The following RAB1A variants were observed in gnomAD, a reference collection of about 807,000 sequenced individuals.
The protein encoded by RAB1A is RAB1A, member RAS oncogene family.
In RAB1A, 2 loss-of-function variants were observed where a neutral mutation model predicts 26.0. The observed-to-expected ratio is 0.08, with a 90% confidence interval of 0.03 to 0.24. The LOEUF is 0.24. Among genes scored for constraint, RAB1A ranks in the 10% least tolerant of loss-of-function variants. The pLI is 1.00. For missense variants in RAB1A, 100 were observed against 247.0 expected, an observed-to-expected ratio of 0.40 and a Z score of 3.99; for synonymous variants, 84 against 84.9, an observed-to-expected ratio of 0.99 and a Z score of 0.06.
At position 65,108,199 on chromosome 2, in the gene RAB1A, T is replaced by G. The variant is rs185370070; in HGVS notation, c.24-3393A>C. ...CAACACGATGAAACCCCGCCTCTACTAAAAATACAAAAATTAGCTGGGTGT... is the reference window on the plus strand; with the variant it reads ...CAACACGATGAAACCCCGCCTCTACGAAAAATACAAAAATTAGCTGGGTGT... On this transcript the variant is annotated intron_variant, in intron 1 of 5. Transcript: ENST00000409784. 7.9e-5 allele frequency among the ~76,000 whole-genome samples: 12 copies of G among 151,566 alleles called. No individual in the cohort carries two copies. The East Asian group carries it at 2.3e-3, about 30-fold the overall frequency.
chr2:65,108,526 G>A (rs1264365728), intron 1 of RAB1A, among the ~76,000 whole-genome samples: 2 of 151,856 alleles, frequency 1.3e-5, no homozygotes, highest in African/African-American at 4.8e-5. Flanking sequence ...CATTATGGCT[G>A]GGCACAGTGG....
chr2:65,118,031 G>T (rs1052404908), intron 1 of RAB1A, among the ~76,000 whole-genome samples: 5 of 152,128 alleles, frequency 3.3e-5, no homozygotes, highest in Non-Finnish European at 7.4e-5. Flanking sequence ...CTGTTTCCTT[G>T]TTTGTAAAAC....
chr2:65,094,115 ACACAC>A (rs992031866), intron 3 of RAB1A, among the ~76,000 whole-genome samples: 1 of 151,976 alleles, frequency 6.6e-6, no homozygotes, highest in African/African-American at 2.4e-5. Flanking sequence ...AACTACAGGG[ACACAC>A]CACCATGCCT....
rs569848678 is a variant in RAB1A, at chr2:65,116,888, T to C, written c.24-12082A>G. Among the ~76,000 whole-genome samples, 9 of 152,342 alleles carry C rather than the reference T, an allele frequency of 5.9e-5. No homozygotes were observed. In the South Asian group the frequency reaches 1.9e-3, roughly 32 times the overall value. On this transcript the variant is annotated intron_variant, in intron 1 of 5. Transcript: ENST00000409784. ...AAGAGAAGGCAGCCCTCTGCTTCAT[T>C]TGCTTTTCATAGAAAGACATCCATG...
intron 1 of RAB1A, among the ~76,000 whole-genome samples, chr2:65,113,196 A>T (rs1007896689): frequency 4.6e-5 from 7 of 152,200 alleles, no homozygotes; most frequent in African/African-American, 1.7e-4. Flanking sequence ...CCTTGTTTCA[A>T]ATTTCAGTTT....
chr2:65,115,292 A>C (rs1573084656), intron 1 of RAB1A, among the ~76,000 whole-genome samples: 1 of 152,252 alleles, frequency 6.6e-6, no homozygotes, highest in Non-Finnish European at 1.5e-5. Context: ...ATCCTGATAT[A>C]CTGGCCAATA....
chr2:65,113,266 T>C (rs780503634), intron 1 of RAB1A, among the ~76,000 whole-genome samples: 54 of 152,332 alleles, frequency 3.5e-4, no homozygotes, highest in South Asian at 1.0e-3. Flanking sequence ...TATATGTACA[T>C]TTATGATCTG....
chr2:65,094,988 G>C (rs1189278058), intron 3 of RAB1A, among the ~76,000 whole-genome samples: 2 of 152,092 alleles, frequency 1.3e-5, no homozygotes, highest in Non-Finnish European at 2.9e-5. Context: ...CAAGGCGGAG[G>C]AATAAGAAGA....
At position 65,088,380 on chromosome 2, in the gene RAB1A, C is replaced by A; in HGVS notation, c.*113G>T. On this transcript the variant is annotated 3_prime_UTR_variant, in exon 6 of 6. Transcript: ENST00000409784. ...TTACAATCTCTGACCTTTGTGGAGA[C>A]GGTAAGAATCTGTTGTAGTGCAGCT... 1 of 856,232 alleles carries A rather than the reference C, an allele frequency of 1.2e-6. No homozygotes were observed. The allele number at this position is 856,232 out of a possible 1,614,324, so 53.0% of individuals were successfully genotyped here.
intron 1 of RAB1A, among the ~76,000 whole-genome samples, chr2:65,122,417 G>A (rs75318374): frequency 2.6e-5 from 4 of 151,032 alleles, no homozygotes; most frequent in Non-Finnish European, 5.9e-5. Context: ...AATTAGCCAG[G>A]TGTGGTGGCA....
intron 1 of RAB1A, 21 bp downstream of exon 1, chr2:65,129,872 C>G: frequency 6.3e-7 from 1 of 1,591,916 alleles, no homozygotes; most frequent in Non-Finnish European, 8.5e-7. Context: ...ACCCAGCCGA[C>G]CGGTGCTCTC....
chr2:65,124,918 G>A (rs1670061921), intron 1 of RAB1A, among the ~76,000 whole-genome samples: 1 of 152,138 alleles, frequency 6.6e-6, no homozygotes, highest in Non-Finnish European at 1.5e-5. Flanking sequence ...TCTGGACAAT[G>A]AGAATACTAG....
rs1670198389 is a variant in RAB1A at position 65,129,899 on chromosome 2, G to A, written c.17C>T (p.Pro6Leu). 1 of 1,596,508 alleles carries A rather than the reference G, an allele frequency of 6.3e-7. No homozygotes were observed. Among genetic ancestry groups the A allele is most frequent in the African/African-American group, 1.3e-5 (1 of 74,574 alleles). Residue 6 changes from proline to leucine, a missense_variant, in exon 1 of 6, where the codon CCC (proline) becomes CTC (leucine). Transcript: ENST00000409784. MSSMN[P>L]EYDYLFKLLL... ...GGTGCTCTCCTGAACTCACTATTCG[G>A]GATTCATGCTGGACATGTCACTGCA...
At position 65,129,880 on chromosome 2, in the gene RAB1A, C is replaced by T; in HGVS notation, c.23+13G>A. The T allele has an allele frequency of 6.3e-7, 1 of 1,594,718 alleles. No individual in the cohort carries two copies. Among genetic ancestry groups the T allele is most frequent in the Non-Finnish European group, 8.5e-7 (1 of 1,171,574 alleles). ...CCCACGGACCCAGCCGACCGGTGCT[C>T]TCCTGAACTCACTATTCGGGATTCA... On this transcript the variant is annotated intron_variant, in intron 1 of 5. Transcript: ENST00000409784.
At chr2:65,117,333 G>A (rs964432829) in intron 1 of RAB1A, among the ~76,000 whole-genome samples, 19 of 151,968 alleles carry the variant, frequency 1.3e-4, no homozygotes, top group Admixed American at 1.2e-3. Context: ...CAAGTGGTTG[G>A]GACTACAGGT....
At chr2:65,114,019 G>T (rs1471666839) in intron 1 of RAB1A, 1 of 286,022 alleles carries the variant, frequency 3.5e-6, no homozygotes, top group Non-Finnish European at 7.2e-6. Flanking sequence ...TTCAGCATAT[G>T]TCAGCACAGC....
At chr2:65,126,125 C>T (rs1573095477) in intron 1 of RAB1A, among the ~76,000 whole-genome samples, 1 of 151,932 alleles carries the variant, frequency 6.6e-6, no homozygotes, top group African/African-American at 2.4e-5. Context: ...CTGCTTCAGC[C>T]TGATCAACAT....
chr2:65,117,733 GTTT>G (rs11286030), intron 1 of RAB1A, among the ~76,000 whole-genome samples: 8 of 136,262 alleles, frequency 5.9e-5, no homozygotes, highest in Non-Finnish European at 7.9e-5. Context: ...CGTCCAGCTA[GTTT>G]TTTTTTTTTT....
chr2:65,087,294 C>T lies in RAB1A; in HGVS notation c.*1199G>A, dbSNP rs1669056876. On this transcript the variant is annotated 3_prime_UTR_variant, in exon 6 of 6. Coordinates refer to ENST00000409784, the MANE Select transcript of RAB1A (RefSeq NM_004161.5). ...GTCACCAAAATAAATACATTTGCCT[C>T]AATTATCATTACCACCCAGTATTCA... 6.6e-6 allele frequency: 1 copy of T among 152,606 alleles called. No individual in the cohort carries two copies. The highest frequency in any genetic ancestry group is 2.1e-4 in the South Asian group (1 of 4,828). 9.5% of individuals were successfully genotyped at this position (152,606 alleles called of 1,614,324 possible). A position where few individuals can be genotyped will look rare whatever the true frequency, so the allele number is the denominator to read the frequency against.
Sources: allele counts gnomAD v4.1 joint callset (sites outside exome capture counted in the v4.1 genomes callset), GRCh38; gene constraint gnomAD v4.1.1; transcripts MANE v1.5; gene names NCBI Gene and HGNC (gene_info 2026-07-23, HGNC 2026-07-21).